SORCS2: variants seen among roughly 807,000 people sequenced by gnomAD.
The protein encoded by SORCS2 is VPS10 domain-containing receptor SorCS2.
In SORCS2, 100 loss-of-function variants were observed where a neutral mutation model predicts 141.6. The ratio of observed to expected loss-of-function variants is 0.71; its 90% CI spans 0.60 to 0.83. The LOEUF (loss-of-function observed/expected upper bound fraction) is 0.83, where lower values mean the gene tolerates loss of function less well. Among genes scored for constraint, SORCS2 ranks in the 40% least tolerant of loss-of-function variants. SORCS2 has a pLI of 0.00. For synonymous variants in SORCS2, 789 were observed against 676.9 expected (o/e 1.17, Z -2.57); for missense variants, 1,646 against 1,560.2 (o/e 1.05, Z -0.93).
At chr4:7,436,238 G>A (rs1287206097) in intron 2 of SORCS2, among the ~76,000 whole-genome samples, 3 of 152,222 alleles carry the variant, frequency 2.0e-5, no homozygotes, top group Non-Finnish European at 2.9e-5. Flanking sequence ...TACCCCAGGT[G>A]GGGCTGGAGA....
intron 3 of SORCS2, among the ~76,000 whole-genome samples, chr4:7,628,444 G>A (rs938641385): frequency 7.2e-5 from 11 of 151,890 alleles, no homozygotes; most frequent in African/African-American, 9.7e-5. Flanking sequence ...GCATGAACCC[G>A]GGAGATGGAG....
Position 7,726,829 on chromosome 4 carries a change from G to T in SORCS2, c.2795G>T (p.Gly932Val). ...NSVTTRFSDT[G>V]DVRVTVQAAC... ...GTGACAACGCGGTTTTCGGACACGG[G>T]CGACGTGCGTGTGACGGTGCAGGCC... Residue 932 changes from glycine to valine, a missense_variant, in exon 21 of 27, where the codon GGC (glycine) becomes GTC (valine). By Grantham distance (109) the Gly-to-Val change is moderately radical. Transcript: ENST00000507866. 8.7e-6 allele frequency: 14 copies of T among 1,613,906 alleles called. No homozygotes were observed. Among genetic ancestry groups the T allele is most frequent in the Non-Finnish European group, 1.0e-5 (12 of 1,179,856 alleles).
intron 8 of SORCS2, among the ~76,000 whole-genome samples, chr4:7,671,916 T>C (rs1722822837): frequency 6.7e-6 from 1 of 150,066 alleles, no homozygotes. Flanking sequence ...CCAAGACACA[T>C]AACCAAACTG....
intron 3 of SORCS2, among the ~76,000 whole-genome samples, chr4:7,545,972 T>C (rs1334734690): frequency 6.6e-6 from 1 of 152,152 alleles, no homozygotes; most frequent in Non-Finnish European, 1.5e-5. Flanking sequence ...GTGGCTGCCT[T>C]CTCGTTATCT....
At chr4:7,693,152 G>A (rs1724366057) in intron 11 of SORCS2, among the ~76,000 whole-genome samples, 1 of 152,132 alleles carries the variant, frequency 6.6e-6, no homozygotes. Context: ...TGGAGTGAGT[G>A]GCATCTGAAG....
intron 5 of SORCS2, among the ~76,000 whole-genome samples, 198 bp from the exon 6 acceptor site, chr4:7,661,302 C>T (rs1329838088): frequency 9.1e-6 from 1 of 109,900 alleles, no homozygotes; most frequent in Non-Finnish European, 1.9e-5. Flanking sequence ...ACCCCCTCAG[C>T]TCACTCAAGG....
chr4:7,355,130 A>G (rs529269376), intron 1 of SORCS2, among the ~76,000 whole-genome samples: 77 of 152,174 alleles, frequency 5.1e-4, no homozygotes, highest in South Asian at 1.5e-3. Context: ...TGTGGAAGGA[A>G]CCCTGGGCTC....
At chr4:7,610,282 G>A (rs1440996265) in intron 3 of SORCS2, among the ~76,000 whole-genome samples, 1 of 152,226 alleles carries the variant, frequency 6.6e-6, no homozygotes, top group African/African-American at 2.4e-5. Context: ...CTCCACACGT[G>A]AGATGCTGGT....
chr4:7,592,063 T>G (rs1716953557), intron 3 of SORCS2, among the ~76,000 whole-genome samples: 1 of 152,300 alleles, frequency 6.6e-6, no homozygotes, highest in Middle Eastern at 3.4e-3. Flanking sequence ...TTGGGGGCTT[T>G]TAAGCACCAC....
In SORCS2 at chr4:7,404,132, A is replaced by G. The variant is rs77662057; in HGVS notation, c.548+7777A>G. Among the ~76,000 whole-genome samples the G allele has an allele frequency of 7.5e-3, 1,135 of 151,712 alleles. 5 individuals are homozygous for G. The highest frequency in any genetic ancestry group is 0.012 in the Non-Finnish European group (842 of 67,910). ...GTGTCTGCCTCGTTTCACTTAAGGT[A>G]ACAACCTCCAGTTCTATTTATGTTG... On this transcript the variant is annotated intron_variant, in intron 2 of 26. Coordinates refer to ENST00000507866, the MANE Select transcript of SORCS2 (RefSeq NM_020777.3).
chr4:7,546,444 C>G (rs1713267979), intron 3 of SORCS2, among the ~76,000 whole-genome samples: 1 of 152,172 alleles, frequency 6.6e-6, no homozygotes, highest in Non-Finnish European at 1.5e-5. Flanking sequence ...CCATCTTTGC[C>G]TCAATATTGC....
chr4:7,607,372 G>A (rs1319418866), intron 3 of SORCS2, among the ~76,000 whole-genome samples: 1 of 152,118 alleles, frequency 6.6e-6, no homozygotes, highest in Non-Finnish European at 1.5e-5. Context: ...GAGAGGGTGC[G>A]TCGGGGAATT....
chr4:7,448,256 G>A lies in SORCS2; in HGVS notation c.548+51901G>A, dbSNP rs555647610. On this transcript the variant is annotated intron_variant, in intron 2 of 26. Coordinates refer to ENST00000507866, the MANE Select transcript of SORCS2 (RefSeq NM_020777.3). ...TGGCGCCTGGAGGTGGAACTGCGGC[G>A]CAGGGCAAGGGGCATCTCCCACGTC... Among the ~76,000 whole-genome samples the A allele has an allele frequency of 2.6e-5, 4 of 152,094 alleles. No homozygotes were observed. The East Asian group carries it at 5.8e-4, about 22-fold the overall frequency.
At chr4:7,570,342 C>T (rs1416270691) in intron 3 of SORCS2, among the ~76,000 whole-genome samples, 1 of 152,232 alleles carries the variant, frequency 6.6e-6, no homozygotes, top group African/African-American at 2.4e-5. Context: ...ATGACGGTGC[C>T]TCCTCGCTAG....
intron 1 of SORCS2, among the ~76,000 whole-genome samples, chr4:7,266,534 T>C (rs1332734658): frequency 6.6e-6 from 1 of 152,168 alleles, no homozygotes; most frequent in Non-Finnish European, 1.5e-5. Context: ...GGAACAGTAG[T>C]TCCTACCCAA....
At chr4:7,606,649 T>C (rs543622323) in intron 3 of SORCS2, among the ~76,000 whole-genome samples, 1 of 151,956 alleles carries the variant, frequency 6.6e-6, no homozygotes, top group East Asian at 1.9e-4. Flanking sequence ...CCTGTTTGGG[T>C]CTGCATTATC....
chr4:7,667,255 T>C, intron 8 of SORCS2, 42 bp downstream of exon 8: 6 of 1,577,192 alleles, frequency 3.8e-6, no homozygotes, highest in Non-Finnish European at 5.2e-6. Flanking sequence ...GGCCAGACCC[T>C]AAGCTTATCC....
chr4:7,728,422 G>A lies in SORCS2; in HGVS notation c.2942G>A (p.Arg981Lys), dbSNP rs765819539. 1.8e-5 allele frequency: 29 copies of A among 1,613,632 alleles called. No individual in the cohort carries two copies. Among genetic ancestry groups the A allele is most frequent in the Non-Finnish European group, 2.3e-5 (27 of 1,179,806 alleles). Reference protein sequence around the residue: ...DAYNPNTPEWREDVGLVVTRL... With the variant: ...DAYNPNTPEWKEDVGLVVTRL... The stretch of plus-strand genomic sequence containing the variant: ...TACAACCCCAACACCCCTGAGTGGA[G>A]GGAAGACGTGGGCCTGGTGGTCACC... Residue 981 changes from arginine to lysine, a missense_variant, in exon 22 of 27, where the codon AGG (arginine) becomes AAG (lysine). Coordinates refer to ENST00000507866, the MANE Select transcript of SORCS2 (RefSeq NM_020777.3).
chr4:7,470,248 C>T (rs138763743), intron 2 of SORCS2, among the ~76,000 whole-genome samples: 23 of 149,112 alleles, frequency 1.5e-4, no homozygotes, highest in African/African-American at 3.1e-4. Flanking sequence ...CATCCATCCT[C>T]CCATCCTCCC....
Sources: gnomAD v4.1 joint callset for allele counts (sites outside exome capture counted in the v4.1 genomes callset) on GRCh38, gnomAD v4.1.1 for gene constraint, MANE v1.5 for transcripts, NCBI Gene and HGNC (gene_info 2026-07-23, HGNC 2026-07-21) for gene names.